The following IPO11 variants were observed in gnomAD, a reference collection of about 807,000 sequenced individuals.
IPO11 encodes the protein importin 11.
A neutral mutation model predicts 143.2 loss-of-function variants in IPO11; 66 were observed. The observed-to-expected ratio is 0.46, with a 90% CI of 0.38 to 0.57. IPO11 has a LOEUF of 0.57. IPO11 is among the 20% of genes least tolerant of loss of function. The pLI is 0.00. For synonymous variants in IPO11, 385 were observed against 377.8 expected, an observed-to-expected ratio of 1.02 and a Z score of -0.22; for missense variants, 1,026 against 1,141.0, an observed-to-expected ratio of 0.90 and a Z score of 1.45.
chr5:62,472,192 A>T (rs149684049), intron 7 of IPO11, among the ~76,000 whole-genome samples: 1 of 152,334 alleles, frequency 6.6e-6, no homozygotes, highest in East Asian at 1.9e-4. Flanking sequence ...TGTTTGTTTA[A>T]TGAATAAATC....
intron 5 of IPO11, among the ~76,000 whole-genome samples, chr5:62,462,620 T>C (rs1745401476): frequency 6.6e-6 from 1 of 152,148 alleles, no homozygotes; most frequent in Non-Finnish European, 1.5e-5. Context: ...AACCTCAAGC[T>C]CCTGGGCTCA....
intron 9 of IPO11, among the ~76,000 whole-genome samples, chr5:62,480,012 C>T (rs1301287962): frequency 6.6e-6 from 1 of 152,168 alleles, no homozygotes; most frequent in Non-Finnish European, 1.5e-5. Context: ...GAAGTCTTTG[C>T]CCATACCTAT....
intron 26 of IPO11, among the ~76,000 whole-genome samples, chr5:62,555,479 A>ATTAT (rs138722983): frequency 0.16 from 21,528 of 137,036 alleles, 1,763 homozygotes; most frequent in African/African-American, 0.2. Flanking sequence ...CACCTGGCTA[A>ATTAT]TTATTTATTT....
intron 11 of IPO11, 69 bp from the exon 12 acceptor site, chr5:62,485,350 T>C: frequency 8.4e-7 from 1 of 1,187,450 alleles, no homozygotes; most frequent in Non-Finnish European, 1.3e-6. Flanking sequence ...ATTATACTGA[T>C]GTTATTAAAA....
intron 2 of IPO11, among the ~76,000 whole-genome samples, chr5:62,437,712 T>A (rs1744293259): frequency 6.6e-6 from 1 of 152,200 alleles, no homozygotes. Flanking sequence ...GGTAGCACTC[T>A]TTCATATTTT....
chr5:62,601,699 G>T, intron 28 of IPO11, 65 bp from the exon 29 acceptor site: 2 of 736,538 alleles, frequency 2.7e-6, no homozygotes, highest in South Asian at 3.0e-5. Flanking sequence ...TGATTTTAAG[G>T]ACTTATTTTT....
chr5:62,567,469 TTTC>T (rs1743981812), intron 27 of IPO11, among the ~76,000 whole-genome samples: 2 of 146,918 alleles, frequency 1.4e-5, no homozygotes, highest in Non-Finnish European at 3.0e-5. Flanking sequence ...TTTGGAAAAT[TTTC>T]TATTATTATT....
rs1412630628 is a variant in IPO11 at position 62,628,011 on chromosome 5, G to A, written c.*693G>A. The A allele has an allele frequency of 1.3e-5, 2 of 151,324 alleles. No individual in the cohort carries two copies. The highest frequency in any genetic ancestry group is 2.9e-5 in the Non-Finnish European group (2 of 67,906). The allele number at this position is 151,324 out of a possible 1,614,324, so 9.4% of individuals were successfully genotyped here. On this transcript the variant is annotated 3_prime_UTR_variant, in exon 30 of 30. Transcript: ENST00000325324. ...ATTTGTAAGGGCCACAAAAGTGAAC[G>A]TGTGGTACTGTAGTACCACGTGGGA...
At chr5:62,449,781 G>C in intron 3 of IPO11, 146 bp from the exon 4 acceptor site, 1 of 503,838 alleles carries the variant, frequency 2.0e-6, no homozygotes, top group Non-Finnish European at 3.5e-6. Flanking sequence ...CAATATACAA[G>C]TAATGGAAAT....
chr5:62,502,231 C>CT (rs1427299231), intron 16 of IPO11, among the ~76,000 whole-genome samples: 2 of 152,092 alleles, frequency 1.3e-5, no homozygotes, highest in Non-Finnish European at 2.9e-5. Context: ...TTATCTTTTC[C>CT]TGAATTTTCT....
intron 5 of IPO11, among the ~76,000 whole-genome samples, chr5:62,461,771 A>C (rs1466167792): frequency 1.3e-5 from 2 of 152,228 alleles, no homozygotes; most frequent in Non-Finnish European, 2.9e-5. Flanking sequence ...TAGTCCTTAA[A>C]GTACAGGTTA....
At chr5:62,572,946 A>C (rs1221822455) in intron 27 of IPO11, among the ~76,000 whole-genome samples, 3 of 151,900 alleles carry the variant, frequency 2.0e-5, no homozygotes, top group African/African-American at 7.3e-5. Flanking sequence ...TTTTTGTTTC[A>C]TTTTCTCAAG....
chr5:62,582,551 C>T (rs1441746459), intron 27 of IPO11, among the ~76,000 whole-genome samples: 3 of 152,082 alleles, frequency 2.0e-5, no homozygotes, highest in Non-Finnish European at 2.9e-5. Flanking sequence ...TGGTAAAGGC[C>T]AATATTTCTT....
intron 24 of IPO11, among the ~76,000 whole-genome samples, chr5:62,545,066 A>G (rs1297441764): frequency 6.6e-6 from 1 of 152,156 alleles, no homozygotes; most frequent in African/African-American, 2.4e-5. Context: ...CAAGCTACCA[A>G]TGACTTTCTT....
At chr5:62,430,623 C>G (rs1468659776) in intron 1 of IPO11, among the ~76,000 whole-genome samples, 1 of 151,610 alleles carries the variant, frequency 6.6e-6, no homozygotes, top group Non-Finnish European at 1.5e-5. Flanking sequence ...TGCCAGGCCC[C>G]TTAATCTCAG....
intron 1 of IPO11, among the ~76,000 whole-genome samples, chr5:62,421,882 A>AG (rs1743526691): frequency 6.6e-6 from 1 of 152,244 alleles, no homozygotes; most frequent in East Asian, 1.9e-4. Context: ...AGATTCTTAT[A>AG]AGATACAGCT....
intron 27 of IPO11, among the ~76,000 whole-genome samples, chr5:62,584,659 G>A (rs1483765790): frequency 2.8e-5 from 4 of 144,140 alleles, no homozygotes; most frequent in Non-Finnish European, 3.0e-5. Flanking sequence ...GCAGGTCACA[G>A]CAATAGTAAC....
intron 27 of IPO11, among the ~76,000 whole-genome samples, chr5:62,565,067 C>A (rs915027726): frequency 3.3e-5 from 5 of 152,094 alleles, no homozygotes; most frequent in African/African-American, 1.2e-4. Context: ...TTATTTCATC[C>A]CCTTCTTTTT....
At chr5:62,424,851 C>CA (rs1364038409) in intron 1 of IPO11, among the ~76,000 whole-genome samples, 1 of 152,136 alleles carries the variant, frequency 6.6e-6, no homozygotes, top group African/African-American at 2.4e-5. Flanking sequence ...GTTTCTCAGT[C>CA]TCCTTTATGC....
Sources: allele counts gnomAD v4.1 joint callset (sites outside exome capture counted in the v4.1 genomes callset), GRCh38; gene constraint gnomAD v4.1.1; transcripts MANE v1.5; gene names NCBI Gene and HGNC (gene_info 2026-07-23, HGNC 2026-07-21).